Variants in EFCAB6 observed in about 807,000 individuals in gnomAD.
The protein encoded by EFCAB6 is EF-hand calcium binding domain 6, also known as EF-hand calcium-binding domain-containing protein 6.
EFCAB6 carries 156 observed loss-of-function variants against 169.8 expected under a neutral mutation model. That is an observed-to-expected ratio of 0.92 (90% confidence interval 0.81 to 1.05). The LOEUF is 1.05. EFCAB6 is among the 50% of genes least tolerant of loss of function. EFCAB6 has a pLI of 0.00. For synonymous variants in EFCAB6, 698 were observed against 676.4 expected (o/e 1.03, Z -0.50); for missense variants, 1,800 against 1,829.1 (o/e 0.98, Z 0.29).
chr22:43,608,541 G>A lies in EFCAB6; in HGVS notation c.2622C>T (p.Asn874=), dbSNP rs769032094. The change falls in exon 22 of 32, where the codon AAC becomes AAT. Residue 874 remains asparagine (N), a synonymous_variant. Transcript: ENST00000262726. ...NGILRRRDIK[N]ALYGFDIPLT... ...GGGGAATATCAAAACCGTACAGTGC[G>A]TTCTTTATGTCCCGGCGTCGAAGAA... 20 of 1,614,132 alleles carry A rather than the reference G, an allele frequency of 1.2e-5. No individual in the cohort carries two copies. Among genetic ancestry groups the A allele is most frequent in the East Asian group, 8.9e-5 (4 of 44,884 alleles).
chr22:43,530,259 T>C (rs1057326195), intron 31 of EFCAB6, among the ~76,000 whole-genome samples: 4 of 152,248 alleles, frequency 2.6e-5, no homozygotes, highest in African/African-American at 9.6e-5. Context: ...CTGAGATTTA[T>C]ACTTAACCCC....
In EFCAB6 at chr22:43,537,169, C is replaced by A. The variant is rs986917693; in HGVS notation, c.4048+208G>T. 3 of 537,952 alleles carry A rather than the reference C, an allele frequency of 5.6e-6. No individual in the cohort carries two copies. Among genetic ancestry groups the A allele is most frequent in the South Asian group, 6.3e-5 (2 of 31,572 alleles). 33.3% of individuals were successfully genotyped at this position (537,952 alleles called of 1,614,324 possible). A position where few individuals can be genotyped will look rare whatever the true frequency, so the allele number is the denominator to read the frequency against. On this transcript the variant is annotated intron_variant, in intron 29 of 31. Coordinates refer to ENST00000262726, the MANE Select transcript of EFCAB6 (RefSeq NM_022785.4). This position sits in a 1 kb window ranked among gnomAD's most constrained non-coding sequence, Gnocchi z 4.3. ...GCGCTGACTTTACCATGCAGATGGG[C>A]CCCCTGCTGGGAGGGCCGGGTAGTC...
intron 26 of EFCAB6, among the ~76,000 whole-genome samples, chr22:43,573,769 C>G (rs1174854487): frequency 7.0e-6 from 1 of 143,376 alleles, no homozygotes; most frequent in Non-Finnish European, 1.5e-5. Flanking sequence ...TGGGCACAAA[C>G]ATGCCAAAGT....
chr22:43,699,464 C>T (rs1202243827), intron 10 of EFCAB6, among the ~76,000 whole-genome samples: 1 of 152,220 alleles, frequency 6.6e-6, no homozygotes, highest in Non-Finnish European at 1.5e-5. Flanking sequence ...TCCTCAACTA[C>T]TGGCCTTACT....
rs1037433923 is a variant in EFCAB6, at chr22:43,812,298, C to T, written c.-275G>A. 6.6e-6 allele frequency: 1 copy of T among 152,348 alleles called. No homozygotes were observed. The highest frequency in any genetic ancestry group is 1.5e-5 in the Non-Finnish European group (1 of 68,120). The allele number at this position is 152,348 out of a possible 1,614,324, so 9.4% of individuals were successfully genotyped here. ...CTGTTGCCCGAGAGACGACGGCAGTCGCTGACTGGAGAATGAGCCTACGCG... is the reference window on the plus strand; with the variant it reads ...CTGTTGCCCGAGAGACGACGGCAGTTGCTGACTGGAGAATGAGCCTACGCG... On this transcript the variant is annotated 5_prime_UTR_variant, in exon 1 of 32. Coordinates refer to ENST00000262726, the MANE Select transcript of EFCAB6 (RefSeq NM_022785.4).
At position 43,537,434 on chromosome 22, in the gene EFCAB6, C is replaced by A. The variant is rs1357440574; in HGVS notation, c.3991G>T (p.Glu1331Ter). Reference sequence around the variant, plus strand: ...CTGGCCACGTCCTTCTCCTTGCATTCTTTCAGGAGCTGGCGCCAGCAGCCC... The same window carrying A: ...CTGGCCACGTCCTTCTCCTTGCATTATTTCAGGAGCTGGCGCCAGCAGCCC... Reference protein sequence around the residue: ...IQGCWRQLLKECKEKDVARQG... With the variant: ...IQGCWRQLLK Residue 1331 changes from glutamate (E) to a stop codon, truncating the protein, a stop_gained, in exon 29 of 32, where the codon GAA (glutamate) becomes TAA (stop). Transcript: ENST00000262726. LOFTEE classifies it high-confidence loss of function. The surrounding 1 kb of genome is among the most constrained non-coding windows in gnomAD (Gnocchi z 4.3). The A allele has an allele frequency of 1.2e-6, 2 of 1,614,166 alleles. No individual in the cohort carries two copies.
chr22:43,552,599 T>C (rs1268104047), intron 27 of EFCAB6: 1 of 152,204 alleles, frequency 6.6e-6, no homozygotes, highest in Non-Finnish European at 1.5e-5. Flanking sequence ...TGGCTGCATG[T>C]AAGAGACACG....
At chr22:43,682,773 G>A (rs376096145) in intron 12 of EFCAB6, among the ~76,000 whole-genome samples, 2 of 152,188 alleles carry the variant, frequency 1.3e-5, no homozygotes, top group Non-Finnish European at 2.9e-5. Context: ...ATTTAAGACG[G>A]TGCCTGGCAC....
chr22:43,611,495 C>A (rs1310704138), intron 21 of EFCAB6, among the ~76,000 whole-genome samples: 4 of 152,106 alleles, frequency 2.6e-5, no homozygotes, highest in African/African-American at 9.7e-5. Context: ...CTAGAAAAAG[C>A]TGTTTTTAAA....
chr22:43,671,640 G>A (rs991163909), intron 15 of EFCAB6, among the ~76,000 whole-genome samples: 1 of 152,176 alleles, frequency 6.6e-6, no homozygotes, highest in Non-Finnish European at 1.5e-5. Flanking sequence ...GAAAAAGAGA[G>A]CTCAGGAATC....
chr22:43,651,481 C>A (rs926074851), intron 17 of EFCAB6, among the ~76,000 whole-genome samples: 2 of 152,254 alleles, frequency 1.3e-5, no homozygotes, highest in African/African-American at 2.4e-5. Context: ...GGGCAGGGCT[C>A]TCATAGACAA....
At chr22:43,721,347 T>C (rs1212399133) in intron 8 of EFCAB6, among the ~76,000 whole-genome samples, 1 of 152,174 alleles carries the variant, frequency 6.6e-6, no homozygotes, top group African/African-American at 2.4e-5. Flanking sequence ...TAGCTATCAA[T>C]GTCACTCTTC....
intron 6 of EFCAB6, among the ~76,000 whole-genome samples, chr22:43,749,810 T>C (rs552920519): frequency 6.6e-5 from 10 of 152,290 alleles, no homozygotes; most frequent in African/African-American, 2.4e-4. Context: ...AAATACAAAC[T>C]CCTAATTTTG....
chr22:43,677,386 G>A (rs901149798), intron 13 of EFCAB6, among the ~76,000 whole-genome samples: 3 of 152,138 alleles, frequency 2.0e-5, no homozygotes, highest in African/African-American at 7.2e-5. Flanking sequence ...GGTGGCTCAC[G>A]CCTGTAATCC....
At chr22:43,782,892 T>C (rs1330084736) in intron 2 of EFCAB6, among the ~76,000 whole-genome samples, 2 of 152,204 alleles carry the variant, frequency 1.3e-5, no homozygotes, top group East Asian at 3.8e-4. Flanking sequence ...ATGAAGAACA[T>C]GCCTTGTGGC....
chr22:43,581,605 T>C lies in EFCAB6; in HGVS notation c.3033-946A>G, dbSNP rs917981396. On this transcript the variant is annotated intron_variant, in intron 24 of 31. Coordinates refer to ENST00000262726, the MANE Select transcript of EFCAB6 (RefSeq NM_022785.4). ...TTCACATTTCTACAACTTAAATTCC[T>C]GGGGAATTGCTGGCACTTAAACACC... Among the ~76,000 whole-genome samples, 3 of 152,252 alleles carry C rather than the reference T, an allele frequency of 2.0e-5. No homozygotes were observed. In the South Asian group the frequency reaches 6.2e-4, roughly 32 times the overall value.
At chr22:43,555,561 G>C (rs2048657271) in intron 26 of EFCAB6, among the ~76,000 whole-genome samples, 3 of 152,234 alleles carry the variant, frequency 2.0e-5, no homozygotes, top group African/African-American at 7.2e-5. Flanking sequence ...TGAAAGGGGG[G>C]TTTTGATGAC....
At chr22:43,811,609 A>G (rs2063132948) in intron 1 of EFCAB6, among the ~76,000 whole-genome samples, 1 of 152,044 alleles carries the variant, frequency 6.6e-6, no homozygotes, top group African/African-American at 2.4e-5. Flanking sequence ...GCTGTGGGAG[A>G]AGAGTGTAAA....
chr22:43,806,015 A>T (rs562630207), intron 2 of EFCAB6, among the ~76,000 whole-genome samples: 1 of 151,768 alleles, frequency 6.6e-6, no homozygotes, highest in Non-Finnish European at 1.5e-5. Flanking sequence ...AAATACAAAA[A>T]CTTAGCTGGG....
Sources: gnomAD v4.1 joint callset for allele counts (sites outside exome capture counted in the v4.1 genomes callset) on GRCh38, gnomAD v4.1.1 for gene constraint, Gnocchi (gnomAD v3.1) non-coding constraint, MANE v1.5 for transcripts, NCBI Gene and HGNC (gene_info 2026-07-23, HGNC 2026-07-21) for gene names.